KCNC3: variants seen among roughly 807,000 people sequenced by gnomAD.
KCNC3 encodes voltage-gated potassium channel KCNC3.
KCNC3 carries 22 observed loss-of-function variants against 43.9 expected under a neutral mutation model. The observed-to-expected ratio is 0.50, with a 90% CI of 0.36 to 0.72. The LOEUF (loss-of-function observed/expected upper bound fraction) is 0.72, where lower values mean the gene tolerates loss of function less well. Ranked by LOEUF, KCNC3 falls within the 30% of genes least tolerant of loss-of-function variation. The probability of loss-of-function intolerance (pLI) is 0.00; values close to 1 mark genes in which losing one functional copy is unlikely to be tolerated. For missense variants in KCNC3, 829 were observed against 1,073.8 expected (o/e 0.77, Z 3.19); for synonymous variants, 492 against 488.0 (o/e 1.01, Z -0.11).
In KCNC3 at chr19:50,328,215, T is replaced by C. The variant is rs1476004255; in HGVS notation, c.868A>G (p.Arg290Gly). The C allele has an allele frequency of 8.7e-7, 1 of 1,155,314 alleles. No individual in the cohort carries two copies. The highest frequency in any genetic ancestry group is 3.9e-5 in the East Asian group (1 of 25,726). 71.6% of individuals were successfully genotyped at this position (1,155,314 alleles called of 1,614,324 possible). A position where few individuals can be genotyped will look rare whatever the true frequency, so the allele number is the denominator to read the frequency against. ...FEDPYSSRAA[R>G]YVAFASLFFI... The stretch of plus-strand genomic sequence containing the variant: ...GGGGGCCCCGAGAGCGCGCTCACCC[T>C]GGCAGCCCGCGACGAGTAGGGGTCC... Residue 290 changes from arginine (R) to glycine (G), a missense_variant and splice_region_variant, in exon 1 of 5, where the codon AGG becomes GGG. Arg to Gly is a moderately radical substitution (Grantham distance 125). Transcript: ENST00000477616.
At chr19:50,326,405 C>T (rs1013716736) in intron 1 of KCNC3, among the ~76,000 whole-genome samples, 5 of 152,098 alleles carry the variant, frequency 3.3e-5, no homozygotes, top group Non-Finnish European at 7.4e-5. Flanking sequence ...TTCCCCACCT[C>T]CCCCCATCCA....
intron 4 of KCNC3, among the ~76,000 whole-genome samples, chr19:50,317,718 C>T (rs1379473116): frequency 6.6e-6 from 1 of 152,168 alleles, no homozygotes; most frequent in Non-Finnish European, 1.5e-5. Context: ...AGGGCCTGTG[C>T]ACTTGCTGTT....
At chr19:50,330,409 G>A (rs1161600051), upstream of KCNC3, among the ~76,000 whole-genome samples, 3 of 152,128 alleles carry the variant, frequency 2.0e-5, no homozygotes, top group Admixed American at 2.0e-4. Flanking sequence ...GTAGAGGAAC[G>A]GGAGAGGTGG....
At position 50,314,640 on chromosome 19, in the gene KCNC3, T is replaced by TG. The variant is rs1362972045; in HGVS notation, c.*1474dup. The TG allele has an allele frequency of 5.6e-5, 18 of 323,632 alleles. No individual in the cohort carries two copies. Among genetic ancestry groups the TG allele is most frequent in the Non-Finnish European group, 2.3e-5 (4 of 171,416 alleles). The allele number at this position is 323,632 out of a possible 1,614,324, so 20.0% of individuals were successfully genotyped here. A position where few individuals can be genotyped will look rare whatever the true frequency, so the allele number is the denominator to read the frequency against. On this transcript the variant is annotated 3_prime_UTR_variant, in exon 5 of 5. Coordinates refer to ENST00000477616, the MANE Select transcript of KCNC3 (RefSeq NM_004977.3). ...AGGCTTTTTTTGGGGAGGGAAGAGTTGGGGGGACGGGCTGTGGCCCCTCTC... is the reference window on the plus strand; with the variant it reads ...AGGCTTTTTTTGGGGAGGGAAGAGTTGGGGGGGACGGGCTGTGGCCCCTCTC...
chr19:50,319,669 T>C (rs1296993205), intron 4 of KCNC3, among the ~76,000 whole-genome samples: 1 of 152,124 alleles, frequency 6.6e-6, no homozygotes, highest in Non-Finnish European at 1.5e-5. Flanking sequence ...CCCTCCATTT[T>C]AGCATACATC....
At chr19:50,325,750 G>C (rs982226232) in intron 1 of KCNC3, among the ~76,000 whole-genome samples, 3 of 152,030 alleles carry the variant, frequency 2.0e-5, no homozygotes, top group Non-Finnish European at 4.4e-5. Flanking sequence ...GCGCACGGCG[G>C]CCAGTACCGC....
chr19:50,325,829 G>A (rs1188042203), intron 1 of KCNC3, among the ~76,000 whole-genome samples: 1 of 151,808 alleles, frequency 6.6e-6, no homozygotes, highest in Non-Finnish European at 1.5e-5. Context: ...CCGGGCCGGA[G>A]CCTATTCAAC....
At chr19:50,319,245 C>T (rs893672641) in intron 4 of KCNC3, among the ~76,000 whole-genome samples, 6 of 152,172 alleles carry the variant, frequency 3.9e-5, no homozygotes, top group African/African-American at 4.8e-5. Context: ...TCCCTGACCC[C>T]GACTCTCTCG....
chr19:50,326,925 G>GT (rs1047101873), intron 1 of KCNC3, among the ~76,000 whole-genome samples: 7 of 151,110 alleles, frequency 4.6e-5, no homozygotes, highest in Non-Finnish European at 7.4e-5. Context: ...TGCACGGCGG[G>GT]GGGGGAGGTT....
intron 4 of KCNC3, 98 bp from the exon 5 acceptor site, chr19:50,316,189 G>A (rs888043755): frequency 3.9e-5 from 15 of 385,578 alleles, no homozygotes; most frequent in Non-Finnish European, 6.3e-5. Flanking sequence ...GAGAAACGCC[G>A]CCGGGATCAT....
At chr19:50,316,644 G>C (rs1221589084) in intron 4 of KCNC3, among the ~76,000 whole-genome samples, 1 of 152,178 alleles carries the variant, frequency 6.6e-6, no homozygotes, top group African/African-American at 2.4e-5. Context: ...GCTGACGCAG[G>C]AGAGTCACTT....
At chr19:50,320,122 C>T (rs930379831) in intron 4 of KCNC3, 101 bp downstream of exon 4, 8 of 183,818 alleles carry the variant, frequency 4.4e-5, no homozygotes, top group Middle Eastern at 1.7e-3. Flanking sequence ...GTGAGGGGGC[C>T]GAAGTCTCGG....
chr19:50,321,823 C>T (rs963480795), intron 2 of KCNC3, among the ~76,000 whole-genome samples: 16 of 142,958 alleles, frequency 1.1e-4, no homozygotes, highest in African/African-American at 3.2e-4. Flanking sequence ...AGCTGGGTGT[C>T]GGGGAGAAGA....
intron 1 of KCNC3, among the ~76,000 whole-genome samples, chr19:50,326,555 G>C (rs948494633): frequency 2.0e-5 from 3 of 152,338 alleles, no homozygotes; most frequent in Non-Finnish European, 4.4e-5. Context: ...GGCACGGTGG[G>C]GGGAGGGGGC....
chr19:50,320,664 C>G lies in KCNC3; in HGVS notation c.2099G>C (p.Arg700Pro). ...KSPITPGSRG[R>P]YSRDRACFLL... Reference sequence around the variant, plus strand: ...GAAGCAGGCTCGGTCCCGGCTATAGCGGCCACGGCTTCCAGGCGTGATGGG... The same window carrying G: ...GAAGCAGGCTCGGTCCCGGCTATAGGGGCCACGGCTTCCAGGCGTGATGGG... The change falls in exon 3 of 5, where the codon CGC becomes CCC. Residue 700 changes from arginine (R) to proline (P), a missense_variant. By Grantham distance (103) the Arg-to-Pro change is moderately radical. Transcript: ENST00000477616. 6.2e-7 allele frequency: 1 copy of G among 1,613,574 alleles called. No individual in the cohort carries two copies. Among genetic ancestry groups the G allele is most frequent in the East Asian group, 2.2e-5 (1 of 44,834 alleles).
At chr19:50,317,174 G>T (rs938894261) in intron 4 of KCNC3, among the ~76,000 whole-genome samples, 1 of 151,518 alleles carries the variant, frequency 6.6e-6, no homozygotes, top group Non-Finnish European at 1.5e-5. Context: ...GGAGGGGAGT[G>T]GGGGGGTAAT....
rs1568567935 is a variant in KCNC3, at chr19:50,313,193, G to T, written c.*2922C>A. 6.6e-6 allele frequency: 1 copy of T among 152,154 alleles called. No individual in the cohort carries two copies. The highest frequency in any genetic ancestry group is 1.5e-5 in the Non-Finnish European group (1 of 68,044). The allele number at this position is 152,154 out of a possible 1,614,324, so 9.4% of individuals were successfully genotyped here. Reference sequence around the variant, plus strand: ...AGGTGGGAAATGATTTTCCACCCGCGAGCGTGACGCGGTGAGGACCGCTGG... The same window carrying T: ...AGGTGGGAAATGATTTTCCACCCGCTAGCGTGACGCGGTGAGGACCGCTGG... On this transcript the variant is annotated 3_prime_UTR_variant, in exon 5 of 5. Coordinates refer to ENST00000477616, the MANE Select transcript of KCNC3 (RefSeq NM_004977.3).
In KCNC3 at chr19:50,328,549, C is replaced by T. The variant is rs371833496; in HGVS notation, c.534G>A (p.Glu178=). 5.1e-5 allele frequency: 82 copies of T among 1,610,928 alleles called. No individual in the cohort carries two copies. The highest frequency in any genetic ancestry group is 7.0e-5 in the Non-Finnish European group (82 of 1,179,550). Residue 178 remains glutamate (E), a synonymous_variant, in exon 1 of 5, where the codon GAG becomes GAA. Coordinates refer to ENST00000477616, the MANE Select transcript of KCNC3 (RefSeq NM_004977.3). ...EEELGFWGID[E]TDVEACCWMT... ...TCCAGCAGCAGGCCTCCACGTCGGT[C>T]TCGTCGATGCCCCAGAAGCCGAGCT...
In KCNC3 at chr19:50,323,246, C is replaced by T. The variant is rs772070953; in HGVS notation, c.1707G>A (p.Pro569=). 3.2e-5 allele frequency: 51 copies of T among 1,597,490 alleles called. No individual in the cohort carries two copies. The highest frequency in any genetic ancestry group is 3.8e-5 in the Non-Finnish European group (45 of 1,177,764). ...KNKHIPRPPQ[P]GSPNYCKPDP... is the part of the protein sequence containing the mutation. ...CAGGCTTGCAGTAGTTGGGCGAGCC[C>T]GGTTGCGGGGGCCGGGGGATGTGTT... Residue 569 remains proline, a synonymous_variant, in exon 2 of 5, where the codon CCG becomes CCA. Coordinates refer to ENST00000477616, the MANE Select transcript of KCNC3 (RefSeq NM_004977.3).
Sources: gnomAD v4.1 joint callset for allele counts (sites outside exome capture counted in the v4.1 genomes callset) on GRCh38, gnomAD v4.1.1 for gene constraint, MANE v1.5 for transcripts, NCBI Gene and HGNC (gene_info 2026-07-23, HGNC 2026-07-21) for gene names.